Variants in NIPA1 observed in about 807,000 individuals in gnomAD.
NIPA1 encodes NIPA magnesium transporter 1, also known as magnesium transporter NIPA1.
In NIPA1, 13 loss-of-function variants were observed where a neutral mutation model predicts 23.9. The ratio of observed to expected loss-of-function variants is 0.54; its 90% CI spans 0.35 to 0.87. NIPA1 has a LOEUF of 0.87. Ranked by LOEUF, NIPA1 falls within the 40% of genes least tolerant of loss-of-function variation. The pLI is 0.01. For synonymous variants in NIPA1, 234 were observed against 202.9 expected (o/e 1.15, Z -1.30); for missense variants, 362 against 429.7 (o/e 0.84, Z 1.39).
At chr15:22,786,634 C>T, upstream of NIPA1, 7 of 967,924 alleles carry the variant, frequency 7.2e-6, no homozygotes, top group Non-Finnish European at 8.7e-6. Context: ...CAGGCGCAGG[C>T]TCGGAGGGCG....
At chr15:22,807,937 C>G (rs974669399) in intron 1 of NIPA1, among the ~76,000 whole-genome samples, 2 of 152,008 alleles carry the variant, frequency 1.3e-5, no homozygotes, top group African/African-American at 4.8e-5. Flanking sequence ...GCGCCCACCA[C>G]CATGCCCAGC....
In NIPA1 at chr15:22,795,795, C is replaced by T. The variant is rs1375907629; in HGVS notation, c.178+8961C>T. 2.6e-5 allele frequency among the ~76,000 whole-genome samples: 4 copies of T among 152,140 alleles called. No individual in the cohort carries two copies. The East Asian group carries it at 7.7e-4, about 29-fold the overall frequency. On this transcript the variant is annotated intron_variant, in intron 1 of 4. Transcript: ENST00000337435. ...ATACAGAAGAGGAGGTTCAGATTTG[C>T]AGAGATCCTCACACGTGCCTGGTCA...
At chr15:22,805,488 A>C (rs11852965) in intron 1 of NIPA1, among the ~76,000 whole-genome samples, 10,437 of 152,158 alleles carry the variant, frequency 0.069, 780 homozygotes, top group African/African-American at 0.18. Flanking sequence ...GGAGTACAAG[A>C]CCATCCTGAC....
Position 22,812,194 on chromosome 15 carries a change from T to C in NIPA1, c.258T>C (p.Ala86=), listed in dbSNP as rs748631959. ...TTGGCCAGATTGGAAACTTCCTGGC[T>C]TACACGGCGGTCCCCACGGTCCTGG... is the stretch of plus-strand genomic sequence containing the variant. ...MAVGQIGNFL[A]YTAVPTVLVT... The change falls in exon 3 of 5, where the codon GCT becomes GCC. Residue 86 remains alanine, a synonymous_variant. Transcript: ENST00000337435. 8 of 1,613,748 alleles carry C rather than the reference T, an allele frequency of 5.0e-6. No homozygotes were observed. Among genetic ancestry groups the C allele is most frequent in the Non-Finnish European group, 6.8e-6 (8 of 1,179,778 alleles).
In NIPA1 at chr15:22,786,837, A is replaced by G. The variant is rs1447711339; in HGVS notation, c.178+3A>G. ...CATCGTGCGTGCCAAGCGGCGAGGT[A>G]GGGCGGGCGGCAGGCGGCAGGCGGC... On this transcript the variant is annotated splice_donor_region_variant and intron_variant, in intron 1 of 4. Transcript: ENST00000337435. 3 of 853,132 alleles carry G rather than the reference A, an allele frequency of 3.5e-6. No individual in the cohort carries two copies. Among genetic ancestry groups the G allele is most frequent in the Non-Finnish European group, 4.5e-6 (3 of 667,034 alleles). 52.8% of individuals were successfully genotyped at this position (853,132 alleles called of 1,614,324 possible).
chr15:22,806,495 G>A (rs754006369), intron 1 of NIPA1, among the ~76,000 whole-genome samples: 4 of 152,202 alleles, frequency 2.6e-5, no homozygotes, highest in African/African-American at 4.8e-5. Context: ...GGGAGGAGAC[G>A]TGAGTGTGGC....
Position 22,814,224 on chromosome 15 carries a change from A to T in NIPA1, c.317+1971A>T, listed in dbSNP as rs144637828. On this transcript the variant is annotated intron_variant, in intron 3 of 4. Coordinates refer to ENST00000337435, the MANE Select transcript of NIPA1 (RefSeq NM_144599.5). Reference sequence around the variant, plus strand: ...AAAAAAACAATCAAAGATGATTATCAAAGTGTGCATATATGTATGTATATA... The same window carrying T: ...AAAAAAACAATCAAAGATGATTATCTAAGTGTGCATATATGTATGTATATA... 548 of 659,284 alleles carry T rather than the reference A, an allele frequency of 8.3e-4. 3 individuals are homozygous for T. The African/African-American group carries it at 8.8e-3, about 11-fold the overall frequency. 40.8% of individuals were successfully genotyped at this position (659,284 alleles called of 1,614,324 possible).
chr15:22,810,570 G>A (rs935519781), intron 1 of NIPA1, among the ~76,000 whole-genome samples, 179 bp from the exon 2 acceptor site: 2 of 152,024 alleles, frequency 1.3e-5, no homozygotes, highest in African/African-American at 4.8e-5. Flanking sequence ...GCCACTTTCG[G>A]TGGTCTCTAA....
chr15:22,808,679 C>CTTAATATTCTTTTTTTTTTTTT lies in NIPA1; in HGVS notation c.179-2068_179-2067insAATATTCTTTTTTTTTTTTTTT, dbSNP rs1295103631. Among the ~76,000 whole-genome samples, 16 of 128,334 alleles carry CTTAATATTCTTTTTTTTTTTTT rather than the reference C, an allele frequency of 1.2e-4. No individual in the cohort carries two copies. The East Asian group carries it at 2.5e-3, about 20-fold the overall frequency. The allele number at this position is 128,334 out of a possible 152,430, so 84.2% of individuals were successfully genotyped here. Reference sequence around the variant, plus strand: ...TGTGATGTGATCAAATAGCAATATTCTTTTTTTTGAGACAGTGTCTCACTC... The same window carrying CTTAATATTCTTTTTTTTTTTTT: ...TGTGATGTGATCAAATAGCAATATTCTTAATATTCTTTTTTTTTTTTTTTTTTTTTGAGACAGTGTCTCACTC... On this transcript the variant is annotated intron_variant, in intron 1 of 4. Coordinates refer to ENST00000337435, the MANE Select transcript of NIPA1 (RefSeq NM_144599.5).
intron 1 of NIPA1, among the ~76,000 whole-genome samples, chr15:22,809,457 A>G (rs879470355): frequency 9.9e-5 from 15 of 152,142 alleles, no homozygotes; most frequent in Admixed American, 4.6e-4. Context: ...TCCTCAAAAA[A>G]TGCTTAGCAG....
At chr15:22,791,654 T>G (rs1314091100) in intron 1 of NIPA1, among the ~76,000 whole-genome samples, 1 of 151,890 alleles carries the variant, frequency 6.6e-6, no homozygotes, top group Admixed American at 6.6e-5. Context: ...TGGCTAATTT[T>G]TGTATTTTGA....
intron 1 of NIPA1, among the ~76,000 whole-genome samples, chr15:22,804,037 C>T (rs1895146269): frequency 1.3e-5 from 2 of 151,500 alleles, no homozygotes; most frequent in South Asian, 2.1e-4. Flanking sequence ...AATGCAGTGG[C>T]GTGATCTTGG....
At chr15:22,816,184 T>G (rs1949824298) in intron 3 of NIPA1, among the ~76,000 whole-genome samples, 1 of 123,630 alleles carries the variant, frequency 8.1e-6, no homozygotes, top group Non-Finnish European at 1.7e-5. Context: ...CCTGATTTTT[T>G]TTTTTTTTTT....
At chr15:22,789,280 A>G (rs1442350387) in intron 1 of NIPA1, among the ~76,000 whole-genome samples, 1 of 152,078 alleles carries the variant, frequency 6.6e-6, no homozygotes, top group Non-Finnish European at 1.5e-5. Flanking sequence ...TGAGCCACCA[A>G]CACTCGGCCT....
At position 22,820,321 on chromosome 15, in the gene NIPA1, T is replaced by C; in HGVS notation, c.326T>C (p.Leu109Ser). Residue 109 changes from leucine to serine, a missense_variant, in exon 4 of 5, where the codon TTA becomes TCA. Physicochemically the swap from Leu to Ser is moderately radical, Grantham distance 145 (BLOSUM62 -2). Transcript: ENST00000337435. ...CTCTTTTTTCAATAAAGGTCCATTT[T>C]AGCTTCCTATCTCCTGAAGGAAAAG... ...GALGVPFGSI[L>S]ASYLLKEKLN... The C allele has an allele frequency of 1.2e-6, 2 of 1,610,660 alleles. No homozygotes were observed. Among genetic ancestry groups the C allele is most frequent in the Non-Finnish European group, 1.7e-6 (2 of 1,176,794 alleles).
intron 1 of NIPA1, among the ~76,000 whole-genome samples, chr15:22,808,418 G>T (rs1895255640): frequency 6.6e-6 from 1 of 152,172 alleles, no homozygotes; most frequent in African/African-American, 2.4e-5. Flanking sequence ...CTCCAGTGGA[G>T]CCTGGCAGCA....
intron 1 of NIPA1, among the ~76,000 whole-genome samples, chr15:22,807,395 A>G (rs992059293): frequency 6.6e-6 from 1 of 152,144 alleles, no homozygotes; most frequent in African/African-American, 2.4e-5. Flanking sequence ...CCATGACTTC[A>G]CAAAACGTCC....
chr15:22,786,759 G>A lies in NIPA1; in HGVS notation c.103G>A (p.Ala35Thr). ...PAAVSLGLGV[A>T]VVSSLVNGST... ...CGCCGTGTCGCTCGGCCTGGGCGTG[G>A]CCGTCGTGTCGAGCCTGGTGAACGG... Residue 35 changes from alanine (A) to threonine (T), a missense_variant, in exon 1 of 5, where the codon GCC becomes ACC. This residue lies in a region of NIPA1 where 85 missense variants were observed against 57.7 expected (regional missense o/e 1.47). Transcript: ENST00000337435. 1.5e-6 allele frequency: 2 copies of A among 1,318,330 alleles called. No individual in the cohort carries two copies. 81.7% of individuals were successfully genotyped at this position (1,318,330 alleles called of 1,614,324 possible). A position where few individuals can be genotyped will look rare whatever the true frequency, so the allele number is the denominator to read the frequency against.
intron 1 of NIPA1, among the ~76,000 whole-genome samples, chr15:22,798,116 G>C (rs1426960342): frequency 6.7e-6 from 1 of 149,138 alleles, no homozygotes; most frequent in Non-Finnish European, 1.5e-5. Flanking sequence ...TAAAATGCCG[G>C]GATTACAGGC....
Sources: allele counts gnomAD v4.1 joint callset (sites outside exome capture counted in the v4.1 genomes callset), GRCh38; gene constraint gnomAD v4.1.1; regional missense constraint gnomAD v4.1.1; transcripts MANE v1.5; gene names NCBI Gene and HGNC (gene_info 2026-07-23, HGNC 2026-07-21).